The following NAV2 variants were observed in gnomAD, a reference collection of about 807,000 sequenced individuals.
The protein encoded by NAV2 is helicase, APC down-regulated 1.
In NAV2, 54 loss-of-function variants were observed where a neutral mutation model predicts 223.2. The observed-to-expected ratio is 0.24, with a 90% confidence interval of 0.19 to 0.30. NAV2 has a LOEUF of 0.30. Among genes scored for constraint, NAV2 ranks in the 10% least tolerant of loss-of-function variants. NAV2 has a pLI of 1.00. For synonymous variants in NAV2, 1,279 were observed against 1,239.3 expected, an observed-to-expected ratio of 1.03 and a Z score of -0.67; for missense variants, 2,806 against 3,147.5, an observed-to-expected ratio of 0.89 and a Z score of 2.60.
At chr11:19,785,647 C>CTTTTTTTTTT (rs3214722) in intron 1 of NAV2, among the ~76,000 whole-genome samples, 1,495 of 141,736 alleles carry the variant, frequency 0.011, 28 homozygotes, top group African/African-American at 0.036. Context: ...CGTCAGCTGG[C>CTTTTTTTTTT]TTTTTTTTTT....
intron 1 of NAV2, chr11:19,380,740 T>G (rs1214560808): frequency 6.6e-6 from 1 of 152,294 alleles, no homozygotes; most frequent in Admixed American, 6.5e-5. Flanking sequence ...TCTGCTATGG[T>G]CTTCCACTAA....
At chr11:19,627,847 A>G (rs1199193693) in intron 1 of NAV2, among the ~76,000 whole-genome samples, 1 of 149,466 alleles carries the variant, frequency 6.7e-6, no homozygotes, top group Non-Finnish European at 1.5e-5. Flanking sequence ...AATCCGACAT[A>G]TACCTCTCCC....
At chr11:20,030,644 A>C (rs927441079) in intron 11 of NAV2, among the ~76,000 whole-genome samples, 3 of 152,234 alleles carry the variant, frequency 2.0e-5, no homozygotes, top group African/African-American at 4.8e-5. Flanking sequence ...AGCTCTTCAG[A>C]TGTCTGACAG....
chr11:19,611,989 C>G (rs1279394071), intron 1 of NAV2, among the ~76,000 whole-genome samples: 1 of 152,268 alleles, frequency 6.6e-6, no homozygotes, highest in South Asian at 2.1e-4. Context: ...GACATCCAGG[C>G]ATTTCCATAC....
At chr11:20,019,456 A>G (rs1191740249) in intron 11 of NAV2, among the ~76,000 whole-genome samples, 1 of 152,116 alleles carries the variant, frequency 6.6e-6, no homozygotes, top group Non-Finnish European at 1.5e-5. Flanking sequence ...TTGATTTCAG[A>G]TGTGTTGGGT....
intron 4 of NAV2, among the ~76,000 whole-genome samples, chr11:19,879,113 T>G (rs2063040218): frequency 1.3e-5 from 2 of 152,322 alleles, no homozygotes; most frequent in African/African-American, 4.8e-5. Context: ...AGGAGGGATC[T>G]CCCAAGGAGA....
intron 8 of NAV2, among the ~76,000 whole-genome samples, chr11:19,943,344 A>G (rs796882733): frequency 2.6e-5 from 4 of 152,180 alleles, no homozygotes; most frequent in African/African-American, 4.8e-5. Flanking sequence ...AAACACATAC[A>G]TATATATGTA....
intron 6 of NAV2, among the ~76,000 whole-genome samples, chr11:19,932,511 G>A (rs1160299517): frequency 6.6e-6 from 1 of 152,110 alleles, no homozygotes; most frequent in African/African-American, 2.4e-5. Flanking sequence ...TAGAGACTGG[G>A]TTTCACCATG....
intron 1 of NAV2, among the ~76,000 whole-genome samples, chr11:19,811,583 C>T (rs1202287800): frequency 6.6e-6 from 1 of 152,160 alleles, no homozygotes; most frequent in Non-Finnish European, 1.5e-5. Flanking sequence ...CACATTTAGC[C>T]TTTTACAGGA....
intron 1 of NAV2, among the ~76,000 whole-genome samples, chr11:19,619,735 C>T (rs1590699088): frequency 6.6e-6 from 1 of 152,272 alleles, no homozygotes; most frequent in African/African-American, 2.4e-5. Context: ...ATGGTAGTTT[C>T]TTTTGCTGTG....
chr11:19,578,966 A>T (rs965102187), intron 1 of NAV2, among the ~76,000 whole-genome samples: 1 of 152,190 alleles, frequency 6.6e-6, no homozygotes, highest in Non-Finnish European at 1.5e-5. Context: ...AGTGGCCTAG[A>T]TGTAAATGTG....
chr11:19,664,917 T>A (rs574974163), intron 1 of NAV2, among the ~76,000 whole-genome samples: 12 of 152,366 alleles, frequency 7.9e-5, no homozygotes, highest in Admixed American at 7.2e-4. Context: ...TTTAGCTATA[T>A]CTGCTTCACA....
rs76589329 is a variant in NAV2 at position 19,515,314 on chromosome 11, G to T, written c.75+164287G>T. On this transcript the variant is annotated intron_variant, in intron 1 of 37. Transcript: ENST00000360655. ...CTCTTTTTCCATCTATAAAATGGGG[G>T]TTCACAGCACTTACAGCTCAAATAT... Among the ~76,000 whole-genome samples the T allele has an allele frequency of 3.9e-3, 590 of 152,280 alleles. 5 individuals are homozygous for T. Among genetic ancestry groups the T allele is most frequent in the Middle Eastern group, 0.027 (8 of 294 alleles).
chr11:19,593,619 A>G (rs1490896109), intron 1 of NAV2, among the ~76,000 whole-genome samples: 1 of 152,232 alleles, frequency 6.6e-6, no homozygotes, highest in South Asian at 2.1e-4. Flanking sequence ...AAGGAAGTCA[A>G]ACTCTTTCCG....
At chr11:20,109,938 G>A (rs184944351) in intron 36 of NAV2, among the ~76,000 whole-genome samples, 7 of 152,332 alleles carry the variant, frequency 4.6e-5, no homozygotes, top group South Asian at 2.1e-4. Context: ...AGTGGTTGGC[G>A]GTGCCAAGGC....
intron 1 of NAV2, among the ~76,000 whole-genome samples, chr11:19,671,140 G>T (rs942496915): frequency 1.3e-5 from 2 of 152,236 alleles, no homozygotes; most frequent in Non-Finnish European, 2.9e-5. Flanking sequence ...TGATCAATTA[G>T]CACTGGTTGC....
intron 6 of NAV2, among the ~76,000 whole-genome samples, chr11:19,900,435 G>A (rs780487877): frequency 1.6e-4 from 25 of 152,176 alleles, no homozygotes; most frequent in Non-Finnish European, 2.4e-4. Context: ...CTGGCCAAAT[G>A]TCATGGTCAC....
intron 1 of NAV2, among the ~76,000 whole-genome samples, chr11:19,689,065 G>A (rs1316271218): frequency 6.6e-6 from 1 of 152,170 alleles, no homozygotes; most frequent in African/African-American, 2.4e-5. Flanking sequence ...AGAGCTCCTG[G>A]AGGCATTGGG....
At chr11:20,022,211 G>A (rs999151390) in intron 11 of NAV2, among the ~76,000 whole-genome samples, 3 of 152,188 alleles carry the variant, frequency 2.0e-5, no homozygotes, top group African/African-American at 7.2e-5. Context: ...GTTCTCAGTA[G>A]TAATACAGTT....
Sources: gnomAD v4.1 joint callset for allele counts (sites outside exome capture counted in the v4.1 genomes callset) on GRCh38, gnomAD v4.1.1 for gene constraint, MANE v1.5 for transcripts, NCBI Gene and HGNC (gene_info 2026-07-23, HGNC 2026-07-21) for gene names.